The following ARHGEF17 variants were observed in gnomAD, a reference collection of about 807,000 sequenced individuals.
The protein encoded by ARHGEF17 is Rho guanine nucleotide exchange factor 17, also known as 164 kDa Rho-specific guanine-nucleotide exchange factor.
A neutral mutation model predicts 174.0 loss-of-function variants in ARHGEF17; 80 were observed. That is an observed-to-expected ratio of 0.46 (90% confidence interval 0.38 to 0.55). The LOEUF is 0.55. ARHGEF17 is among the 20% of genes least tolerant of loss of function. ARHGEF17 has a pLI of 0.00. For synonymous variants in ARHGEF17, 1,311 were observed against 1,189.1 expected, an observed-to-expected ratio of 1.10 and a Z score of -2.11; for missense variants, 2,886 against 2,839.7, an observed-to-expected ratio of 1.02 and a Z score of -0.37.
At chr11:73,329,033 T>A (rs1591731889) in intron 1 of ARHGEF17, among the ~76,000 whole-genome samples, 1 of 151,970 alleles carries the variant, frequency 6.6e-6, no homozygotes, top group South Asian at 2.1e-4. Context: ...GTGAATTTTT[T>A]AAATTAAATT....
rs1591710339 is a variant in ARHGEF17 at position 73,308,483 on chromosome 11, G to A, written c.-156G>A. On this transcript the variant is annotated 5_prime_UTR_variant, in exon 1 of 21. Coordinates refer to ENST00000263674, the MANE Select transcript of ARHGEF17 (RefSeq NM_014786.4). ...GCCGGTGGCCACAGAAACTTGAGCC[G>A]CGGCAGAGAAACCTCTGCTCCGGTC... The A allele has an allele frequency of 4.6e-6, 3 of 651,624 alleles. No homozygotes were observed. Among genetic ancestry groups the A allele is most frequent in the Non-Finnish European group, 6.7e-6 (3 of 449,150 alleles). 40.4% of individuals were successfully genotyped at this position (651,624 alleles called of 1,614,324 possible).
At position 73,318,290 on chromosome 11, in the gene ARHGEF17, T is replaced by G. The variant is rs1305194878; in HGVS notation, c.3192+6460T>G. On this transcript the variant is annotated intron_variant, in intron 1 of 20. Transcript: ENST00000263674. The stretch of plus-strand genomic sequence containing the variant: ...TTTCCACACTTGTGGCAGGCTGTGG[T>G]GCTCACTGTGGGGCCTGTCCAGAAG... Among the ~76,000 whole-genome samples, 6 of 149,400 alleles carry G rather than the reference T, an allele frequency of 4.0e-5. No individual in the cohort carries two copies. The East Asian group carries it at 9.7e-4, about 24-fold the overall frequency.
chr11:73,356,568 G>A, intron 6 of ARHGEF17, 141 bp from the exon 7 acceptor site: 4 of 1,244,448 alleles, frequency 3.2e-6, no homozygotes, highest in Non-Finnish European at 2.3e-6. Context: ...TGGCCTGGCA[G>A]CACAAGGGCA....
chr11:73,350,439 C>G (rs1468267405), intron 2 of ARHGEF17, among the ~76,000 whole-genome samples: 2 of 152,168 alleles, frequency 1.3e-5, no homozygotes, highest in Non-Finnish European at 2.9e-5. Context: ...TGGGTTGAAA[C>G]CCTGTCATTG....
At chr11:73,350,479 GT>G (rs1865535840) in intron 2 of ARHGEF17, among the ~76,000 whole-genome samples, 1 of 152,092 alleles carries the variant, frequency 6.6e-6, no homozygotes, top group Non-Finnish European at 1.5e-5. Context: ...TCACCCACTA[GT>G]CTACACTGCC....
rs751749018 is a variant in ARHGEF17, at chr11:73,309,704, C to G, written c.1066C>G (p.Gln356Glu). The change falls in exon 1 of 21, where the codon CAG becomes GAG. Residue 356 changes from glutamine (Q) to glutamate (E), a missense_variant. Gln to Glu is a conservative substitution (Grantham distance 29). Coordinates refer to ENST00000263674, the MANE Select transcript of ARHGEF17 (RefSeq NM_014786.4). ...SGSPPCVPGP[Q>E]EGLRPMSDSV... The stretch of plus-strand genomic sequence containing the variant: ...CTCTCCGCCCTGCGTCCCAGGTCCC[C>G]AGGAGGGACTTCGGCCTATGTCTGA... 1 of 1,613,018 alleles carries G rather than the reference C, an allele frequency of 6.2e-7. No homozygotes were observed. The highest frequency in any genetic ancestry group is 1.7e-5 in the Admixed American group (1 of 60,030).
At chr11:73,321,566 C>T (rs1228531045) in intron 1 of ARHGEF17, among the ~76,000 whole-genome samples, 1 of 152,156 alleles carries the variant, frequency 6.6e-6, no homozygotes, top group Admixed American at 6.5e-5. Context: ...GGCACTAAGG[C>T]GTTATTATGA....
Position 73,356,186 on chromosome 11 carries a change from G to A in ARHGEF17, c.3675G>A (p.Lys1225=), listed in dbSNP as rs199586047. The part of the protein sequence containing the change: ...RYELLVKDLL[K]HTPEDHPDHP... ...CATTCCCACCCCAGGACCTCCTGAA[G>A]CATACACCTGAGGACCACCCGGACC... Residue 1225 remains lysine (K), a synonymous_variant, in exon 6 of 21, where the codon AAG becomes AAA. Coordinates refer to ENST00000263674, the MANE Select transcript of ARHGEF17 (RefSeq NM_014786.4). 527 of 1,613,904 alleles carry A rather than the reference G, an allele frequency of 3.3e-4. 7 individuals are homozygous for A. In the African/African-American group the frequency reaches 3.7e-3, roughly 11 times the overall value.
At chr11:73,350,637 C>T (rs1865538514) in intron 2 of ARHGEF17, among the ~76,000 whole-genome samples, 1 of 152,160 alleles carries the variant, frequency 6.6e-6, no homozygotes, top group Admixed American at 6.6e-5. Flanking sequence ...AGTTAGGAGC[C>T]AGAAGGAGGG....
rs567542996 is a variant in ARHGEF17 at position 73,309,309 on chromosome 11, A to G, written c.671A>G (p.Gln224Arg). Residue 224 changes from glutamine (Q) to arginine (R), a missense_variant, in exon 1 of 21, where the codon CAG (glutamine) becomes CGG (arginine). This residue lies in a region of ARHGEF17 where 1,728 missense variants were observed against 1,461.2 expected (regional missense o/e 1.18). Transcript: ENST00000263674. ...LHSWHIFSQP[Q>R]AGARASCSSS... is the part of the protein sequence containing the mutation. ...TCTTGGCATATCTTCTCCCAACCGC[A>G]GGCCGGGGCCCGGGCCTCCTGCTCC... 3 of 1,609,528 alleles carry G rather than the reference A, an allele frequency of 1.9e-6. No individual in the cohort carries two copies. The highest frequency in any genetic ancestry group is 1.4e-5 in the African/African-American group (1 of 72,850).
In ARHGEF17 at chr11:73,365,315, G is replaced by T; in HGVS notation, c.5551-75G>T. Reference sequence around the variant, plus strand: ...GTGTGAGTTGTGAGGGATGGACACTGGTGAAGCTCCAGGCTAGGGTGGGCC... The same window carrying T: ...GTGTGAGTTGTGAGGGATGGACACTTGTGAAGCTCCAGGCTAGGGTGGGCC... On this transcript the variant is annotated intron_variant, in intron 18 of 20. Coordinates refer to ENST00000263674, the MANE Select transcript of ARHGEF17 (RefSeq NM_014786.4). The surrounding 1 kb of genome is among the most constrained non-coding windows in gnomAD (Gnocchi z 4.9). The T allele has an allele frequency of 6.5e-7, 1 of 1,545,474 alleles. No homozygotes were observed.
intron 1 of ARHGEF17, among the ~76,000 whole-genome samples, chr11:73,336,784 G>T (rs1268811779): frequency 1.3e-5 from 2 of 152,220 alleles, no homozygotes; most frequent in Non-Finnish European, 2.9e-5. Context: ...ATGCAGTGTG[G>T]TCGGATAGTG....
chr11:73,363,396 G>C lies in ARHGEF17; in HGVS notation c.5187G>C (p.Leu1729=). The change falls in exon 15 of 21, where the codon CTG becomes CTC. Residue 1729 remains leucine, a synonymous_variant. Coordinates refer to ENST00000263674, the MANE Select transcript of ARHGEF17 (RefSeq NM_014786.4). ...GSFTRGSLED[L]LSVDPEAYQS... The stretch of plus-strand genomic sequence containing the variant: ...TCACCCGGGGCAGCCTTGAGGACCT[G>C]CTGAGTGTCGACCCTGAGGCCTACC... The C allele has an allele frequency of 6.2e-7, 1 of 1,613,326 alleles. No individual in the cohort carries two copies. The highest frequency in any genetic ancestry group is 8.5e-7 in the Non-Finnish European group (1 of 1,179,914).
At chr11:73,347,071 T>C in intron 2 of ARHGEF17, 111 bp downstream of exon 2, 1 of 1,067,470 alleles carries the variant, frequency 9.4e-7, no homozygotes, top group Non-Finnish European at 1.4e-6. Flanking sequence ...CAGAGAGCCG[T>C]GTCCCTGGCA....
In ARHGEF17 at chr11:73,356,207, G is replaced by A. The variant is rs141834340; in HGVS notation, c.3696G>A (p.Pro1232=). Residue 1232 remains proline (P), a synonymous_variant, in exon 6 of 21, where the codon CCG becomes CCA. Coordinates refer to ENST00000263674, the MANE Select transcript of ARHGEF17 (RefSeq NM_014786.4). Reference sequence around the variant, plus strand: ...TGAAGCATACACCTGAGGACCACCCGGACCATCCACTCCTGCTGGAGGCGC... The same window carrying A: ...TGAAGCATACACCTGAGGACCACCCAGACCATCCACTCCTGCTGGAGGCGC... The part of the protein sequence containing the change: ...DLLKHTPEDH[P]DHPLLLEAQR... The A allele has an allele frequency of 7.2e-5, 116 of 1,613,710 alleles. No individual in the cohort carries two copies. The highest frequency in any genetic ancestry group is 9.2e-5 in the Non-Finnish European group (108 of 1,180,016).
intron 11 of ARHGEF17, among the ~76,000 whole-genome samples, chr11:73,360,861 T>C (rs1177797521): frequency 6.6e-6 from 1 of 152,190 alleles, no homozygotes; most frequent in East Asian, 1.9e-4. Flanking sequence ...TCAGGGTTCA[T>C]GGCTTAGAAG....
At chr11:73,355,465 A>G (rs1591755963) in intron 3 of ARHGEF17, 68 bp from the exon 4 acceptor site, 1 of 1,026,524 alleles carries the variant, frequency 9.7e-7, no homozygotes, top group South Asian at 1.3e-5. Flanking sequence ...GAATCAGTGA[A>G]AACTAGGACA....
chr11:73,363,198 T>A lies in ARHGEF17; in HGVS notation c.4997-8T>A, dbSNP rs561921586. 7.2e-5 allele frequency: 110 copies of A among 1,536,266 alleles called. 2 individuals are homozygous for A. In the South Asian group the frequency reaches 1.2e-3, roughly 17 times the overall value. On this transcript the variant is annotated splice_region_variant and splice_polypyrimidine_tract_variant and intron_variant, in intron 14 of 20. Transcript: ENST00000263674. Reference sequence around the variant, plus strand: ...GGAAATGGAGACAGAGACCTTTGTCTCCCTCAGATGAGGAGACCCCGAGTT... The same window carrying A: ...GGAAATGGAGACAGAGACCTTTGTCACCCTCAGATGAGGAGACCCCGAGTT...
At position 73,311,014 on chromosome 11, in the gene ARHGEF17, G is replaced by C; in HGVS notation, c.2376G>C (p.Glu792Asp). Reference protein sequence around the residue: ...GHSDWSVGSEESKGYQEVIQS... With the variant: ...GHSDWSVGSEDSKGYQEVIQS... Reference sequence around the variant, plus strand: ...GTGACTGGTCTGTGGGCAGTGAAGAGAGCAAGGGATATCAGGAGGTTATTC... The same window carrying C: ...GTGACTGGTCTGTGGGCAGTGAAGACAGCAAGGGATATCAGGAGGTTATTC... The change falls in exon 1 of 21, where the codon GAG (glutamate) becomes GAC (aspartate). Residue 792 changes from glutamate (E) to aspartate (D), a missense_variant. Transcript: ENST00000263674. 6.2e-7 allele frequency: 1 copy of C among 1,614,214 alleles called. No homozygotes were observed. The highest frequency in any genetic ancestry group is 8.5e-7 in the Non-Finnish European group (1 of 1,180,026).
Sources: allele counts gnomAD v4.1 joint callset (sites outside exome capture counted in the v4.1 genomes callset), GRCh38; gene constraint gnomAD v4.1.1; regional missense constraint gnomAD v4.1.1; non-coding constraint Gnocchi (gnomAD v3.1); transcripts MANE v1.5; gene names NCBI Gene and HGNC (gene_info 2026-07-23, HGNC 2026-07-21).